Variants in SORCS1 observed in about 807,000 individuals in gnomAD.
SORCS1 encodes the protein VPS10 domain-containing receptor SorCS1.
Under a neutral mutation model 146.1 loss-of-function variants are expected in SORCS1, and 60 were observed. The observed-to-expected ratio is 0.41, with a 90% CI of 0.33 to 0.51. SORCS1 has a LOEUF of 0.51. Ranked by LOEUF, SORCS1 falls within the 20% of genes least tolerant of loss-of-function variation. The pLI is 0.21. For missense variants in SORCS1, 1,352 were observed against 1,487.6 expected (o/e 0.91, Z 1.50); for synonymous variants, 637 against 584.0 (o/e 1.09, Z -1.31).
the SORCS1 span, among the ~76,000 whole-genome samples, chr10:107,177,314 T>G: frequency 6.6e-6 from 1 of 152,166 alleles, no homozygotes; most frequent in Non-Finnish European, 1.5e-5. Context: ...ACAGTAGTGG[T>G]GATAAATAAA....
intron 2 of SORCS1, among the ~76,000 whole-genome samples, chr10:106,839,595 C>G (rs941088467): frequency 3.3e-5 from 5 of 152,180 alleles, no homozygotes; most frequent in African/African-American, 1.2e-4. Context: ...TAGCTAAGAT[C>G]ATTGATGAAG....
intron 1 of SORCS1, among the ~76,000 whole-genome samples, chr10:107,113,375 G>T (rs2134470659): frequency 6.6e-6 from 1 of 152,182 alleles, no homozygotes; most frequent in East Asian, 1.9e-4. Context: ...GAACTATATA[G>T]TGATAAATGC....
chr10:106,765,680 T>A (rs1231300373), intron 4 of SORCS1, among the ~76,000 whole-genome samples: 1 of 151,906 alleles, frequency 6.6e-6, no homozygotes, highest in Non-Finnish European at 1.5e-5. Flanking sequence ...CAGATGAAGA[T>A]GGGATGAGAG....
chr10:106,936,559 A>G (rs1953729851), intron 2 of SORCS1, among the ~76,000 whole-genome samples: 1 of 152,204 alleles, frequency 6.6e-6, no homozygotes, highest in Non-Finnish European at 1.5e-5. Context: ...TGGAGCTTCA[A>G]ATATCTTCTT....
At chr10:106,700,497 T>C (rs1343341367) in intron 8 of SORCS1, among the ~76,000 whole-genome samples, 3 of 152,178 alleles carry the variant, frequency 2.0e-5, no homozygotes, top group Admixed American at 6.5e-5. Flanking sequence ...AAGAACAACG[T>C]AGAACAATTC....
At chr10:106,699,780 G>A (rs1275732561) in intron 8 of SORCS1, among the ~76,000 whole-genome samples, 2 of 152,278 alleles carry the variant, frequency 1.3e-5, no homozygotes, top group African/African-American at 4.8e-5. Context: ...AAAGCTGGAG[G>A]AACAGAGAGA....
chr10:107,079,150 C>T (rs897594590), intron 1 of SORCS1, among the ~76,000 whole-genome samples: 2 of 151,022 alleles, frequency 1.3e-5, no homozygotes, highest in Non-Finnish European at 1.5e-5. Context: ...GACATGAACC[C>T]GGGAGGTGGA....
intron 2 of SORCS1, among the ~76,000 whole-genome samples, chr10:106,903,665 T>C (rs1951806570): frequency 6.6e-6 from 1 of 152,242 alleles, no homozygotes; most frequent in African/African-American, 2.4e-5. Flanking sequence ...AAACCAAATG[T>C]ATTTTTAATT....
chr10:107,113,084 C>T (rs1212779931), intron 1 of SORCS1, among the ~76,000 whole-genome samples: 1 of 152,112 alleles, frequency 6.6e-6, no homozygotes, highest in Non-Finnish European at 1.5e-5. Flanking sequence ...GAACTTTCTC[C>T]ATGATAGATT....
chr10:106,949,377 G>A (rs1398526387), intron 2 of SORCS1, among the ~76,000 whole-genome samples: 1 of 152,156 alleles, frequency 6.6e-6, no homozygotes, highest in African/African-American at 2.4e-5. Flanking sequence ...TGGACGTGGC[G>A]TGGAGGAGAA....
intron 1 of SORCS1, among the ~76,000 whole-genome samples, chr10:106,965,610 A>C (rs1955460652): frequency 2.0e-5 from 3 of 152,198 alleles, no homozygotes; most frequent in Admixed American, 2.0e-4. Flanking sequence ...ATGATGATGA[A>C]ATTGAGCCAC....
intron 3 of SORCS1, among the ~76,000 whole-genome samples, chr10:106,824,200 AG>A (rs1277778973): frequency 6.6e-6 from 1 of 151,162 alleles, no homozygotes; most frequent in Non-Finnish European, 1.5e-5. Context: ...GCTACTCAGG[AG>A]GCTGAGGCAG....
chr10:106,640,709 A>T (rs1849018577), intron 18 of SORCS1, among the ~76,000 whole-genome samples: 1 of 152,158 alleles, frequency 6.6e-6, no homozygotes, highest in Admixed American at 6.5e-5. Context: ...TATTGTGTTG[A>T]AAGTCTATAG....
intron 1 of SORCS1, among the ~76,000 whole-genome samples, chr10:107,049,848 T>C (rs996699745): frequency 1.3e-5 from 2 of 152,222 alleles, no homozygotes; most frequent in African/African-American, 4.8e-5. Flanking sequence ...GTAAAAATTT[T>C]CCTGGTGTCT....
chr10:106,879,287 CT>C (rs1344546046), intron 2 of SORCS1, among the ~76,000 whole-genome samples: 1 of 152,236 alleles, frequency 6.6e-6, no homozygotes, highest in Non-Finnish European at 1.5e-5. Flanking sequence ...CTTCACAGCT[CT>C]TCTGACAACT....
Position 106,620,495 on chromosome 10 carries a change from G to A in SORCS1, c.2729C>T (p.Thr910Met), listed in dbSNP as rs777521482. 3.3e-5 allele frequency: 53 copies of A among 1,613,980 alleles called. No homozygotes were observed. The highest frequency in any genetic ancestry group is 6.7e-5 in the East Asian group (3 of 44,880). Reference sequence around the variant, plus strand: ...CACTTGGCTGGGCCACAGCACTGCCGTCGCATTGACCTCTTTGTTCTTTGT... The same window carrying A: ...CACTTGGCTGGGCCACAGCACTGCCATCGCATTGACCTCTTTGTTCTTTGT... ...VTTKNKEVNA[T>M]AVLWPSQVGT... The change falls in exon 20 of 26, where the codon ACG becomes ATG. Residue 910 changes from threonine (T) to methionine (M), a missense_variant. Physicochemically the swap from Thr to Met is moderately conservative, Grantham distance 81 (BLOSUM62 -1). Around this residue, in one of 3 missense-constraint regions of SORCS1, gnomAD observed 648 missense variants for 793.8 expected, o/e 0.82. Transcript: ENST00000263054.
intron 17 of SORCS1, among the ~76,000 whole-genome samples, chr10:106,662,646 C>G (rs775652296): frequency 1.3e-4 from 20 of 152,194 alleles, no homozygotes; most frequent in Admixed American, 2.0e-4. Flanking sequence ...TTCCCAGTGG[C>G]TGCTTAACTC....
intron 1 of SORCS1, among the ~76,000 whole-genome samples, chr10:107,069,990 C>A (rs1421003277): frequency 6.6e-6 from 1 of 152,202 alleles, no homozygotes; most frequent in Admixed American, 6.5e-5. Flanking sequence ...CCTAATTCCC[C>A]AGCCCCTGAA....
chr10:107,000,442 C>CAAA (rs774072689), intron 1 of SORCS1, among the ~76,000 whole-genome samples: 19 of 135,140 alleles, frequency 1.4e-4, no homozygotes, highest in African/African-American at 4.8e-4. Flanking sequence ...TACTAAAATA[C>CAAA]AAAAAAAAAA....
Sources: gnomAD v4.1 joint callset for allele counts (sites outside exome capture counted in the v4.1 genomes callset) on GRCh38, gnomAD v4.1.1 for gene constraint, gnomAD v4.1.1 regional missense constraint, MANE v1.5 for transcripts, NCBI Gene and HGNC (gene_info 2026-07-23, HGNC 2026-07-21) for gene names.